CYRIB: variants seen among roughly 807,000 people sequenced by gnomAD.
CYRIB encodes CYFIP-related Rac1 interactor B.
Under a neutral mutation model 44.2 loss-of-function variants are expected in CYRIB, and 8 were observed. The observed-to-expected ratio is 0.18, with a 90% confidence interval of 0.11 to 0.33. CYRIB has a LOEUF of 0.33. CYRIB is among the 10% of genes least tolerant of loss of function. The probability of loss-of-function intolerance (pLI) is 1.00; values close to 1 mark genes in which losing one functional copy is unlikely to be tolerated. For synonymous variants in CYRIB, 131 were observed against 127.2 expected, an observed-to-expected ratio of 1.03 and a Z score of -0.20; for missense variants, 185 against 382.8, an observed-to-expected ratio of 0.48 and a Z score of 4.31.
chr8:129,868,879 A>G (rs2055340972), intron 4 of CYRIB, among the ~76,000 whole-genome samples: 2 of 142,590 alleles, frequency 1.4e-5, no homozygotes, highest in South Asian at 4.5e-4. Context: ...TCCCAATGGG[A>G]AGTACTGCAA....
At chr8:130,005,316 G>A (rs2097027205) in intron 1 of CYRIB, among the ~76,000 whole-genome samples, 1 of 152,170 alleles carries the variant, frequency 6.6e-6, no homozygotes, top group Non-Finnish European at 1.5e-5. Flanking sequence ...GCTGGTGGGT[G>A]CTAGGGCAGG....
intron 2 of CYRIB, among the ~76,000 whole-genome samples, chr8:129,886,946 C>A (rs529238552): frequency 2.0e-5 from 3 of 152,306 alleles, no homozygotes; most frequent in African/African-American, 7.2e-5. Flanking sequence ...TATAAATCAT[C>A]CTTTCTCTGC....
intron 2 of CYRIB, among the ~76,000 whole-genome samples, chr8:129,902,512 G>A (rs778792083): frequency 6.6e-6 from 1 of 152,020 alleles, no homozygotes; most frequent in Non-Finnish European, 1.5e-5. Context: ...GAGCCACTGC[G>A]CCCACCCTTG....
intron 2 of CYRIB, among the ~76,000 whole-genome samples, chr8:129,965,656 C>T (rs1049626171): frequency 4.0e-5 from 6 of 151,580 alleles, no homozygotes; most frequent in South Asian, 4.1e-4. Flanking sequence ...ATTAACCGGG[C>T]GTGGTGGTGG....
chr8:129,983,615 G>A (rs998692594), intron 1 of CYRIB, among the ~76,000 whole-genome samples: 1 of 152,188 alleles, frequency 6.6e-6, no homozygotes, highest in African/African-American at 2.4e-5. Context: ...CAGCCCCACC[G>A]GCAGGAAGGG....
At chr8:129,915,780 T>C (rs967528666) in intron 1 of CYRIB, among the ~76,000 whole-genome samples, 4 of 152,192 alleles carry the variant, frequency 2.6e-5, no homozygotes, top group Admixed American at 2.6e-4. Context: ...GGGTCAAGCC[T>C]GAGAAATTGC....
chr8:129,973,154 G>A (rs980413788), intron 1 of CYRIB, among the ~76,000 whole-genome samples: 5 of 152,168 alleles, frequency 3.3e-5, no homozygotes, highest in Non-Finnish European at 5.9e-5. Context: ...GCAGATGAAC[G>A]CTCTGAAGGA....
rs117364285 is a variant in CYRIB, at chr8:130,010,825, A to G, written c.-296+5545T>C. The stretch of plus-strand genomic sequence containing the variant: ...GAAGGGGAGAGGGTCAGGTTGGATG[A>G]TCTCCTGGCCCACTGCACTCAAAGT... On this transcript the variant is annotated intron_variant, in intron 1 of 14. Transcript: ENST00000401979. Among the ~76,000 whole-genome samples the G allele has an allele frequency of 1.4e-4, 21 of 152,286 alleles. No individual in the cohort carries two copies. The East Asian group carries it at 4.1e-3, about 29-fold the overall frequency.
intron 1 of CYRIB, among the ~76,000 whole-genome samples, chr8:129,994,093 G>T (rs1484823500): frequency 6.6e-6 from 1 of 152,154 alleles, no homozygotes; most frequent in Non-Finnish European, 1.5e-5. Context: ...TTGGATTTAG[G>T]ATCTTTGCAG....
chr8:129,897,309 G>C lies in CYRIB; in HGVS notation c.-11+6003C>G, dbSNP rs563088742. On this transcript the variant is annotated intron_variant, in intron 2 of 11. Transcript: ENST00000519824. ...TTTAGAAAAATTTGTAGAAACTTAAGACAATGACTGAATAAGCACAATTAA... is the reference window on the plus strand; with the variant it reads ...TTTAGAAAAATTTGTAGAAACTTAACACAATGACTGAATAAGCACAATTAA... Among the ~76,000 whole-genome samples, 10 of 152,096 alleles carry C rather than the reference G, an allele frequency of 6.6e-5. No homozygotes were observed. The South Asian group carries it at 1.7e-3, about 25-fold the overall frequency.
chr8:129,999,691 G>T (rs769185558), intron 1 of CYRIB, among the ~76,000 whole-genome samples: 1 of 152,216 alleles, frequency 6.6e-6, no homozygotes, highest in African/African-American at 2.4e-5. Flanking sequence ...GCAGTGGCAC[G>T]ATCACGGCTC....
At position 130,005,152 on chromosome 8, in the gene CYRIB, G is replaced by T. The variant is rs533322645; in HGVS notation, c.-296+11218C>A. On this transcript the variant is annotated intron_variant, in intron 1 of 14. Coordinates refer to the CYRIB transcript ENST00000401979. ...TTTATTTTTTATTTTTTTGCCTATT[G>T]TGCTGACTTCTGAACTTCACCATGA... is the stretch of plus-strand genomic sequence containing the variant. Among the ~76,000 whole-genome samples the T allele has an allele frequency of 1.6e-4, 25 of 151,584 alleles. No homozygotes were observed. The South Asian group carries it at 4.8e-3, about 29-fold the overall frequency.
At chr8:129,921,257 ATTTAC>A (rs1338914056) in intron 1 of CYRIB, among the ~76,000 whole-genome samples, 1 of 152,202 alleles carries the variant, frequency 6.6e-6, no homozygotes, top group African/African-American at 2.4e-5. Flanking sequence ...ATTCATAACA[ATTTAC>A]TTATCTTTCC....
intron 2 of CYRIB, chr8:129,949,437 G>A (rs929056324): frequency 2.6e-5 from 4 of 152,212 alleles, no homozygotes; most frequent in Non-Finnish European, 5.9e-5. Flanking sequence ...ACATACCTAC[G>A]AGGAGGTGAA....
chr8:129,990,495 TGC>T (rs2096603764), intron 1 of CYRIB, among the ~76,000 whole-genome samples: 2 of 119,664 alleles, frequency 1.7e-5, no homozygotes, highest in South Asian at 2.9e-4. Flanking sequence ...TGTGTGTGTA[TGC>T]GTGTGTGTGT....
At chr8:129,925,255 G>A (rs777737839) in intron 1 of CYRIB, among the ~76,000 whole-genome samples, 1 of 152,072 alleles carries the variant, frequency 6.6e-6, no homozygotes, top group Non-Finnish European at 1.5e-5. Flanking sequence ...AAAATTAGCC[G>A]GGCATGGTGG....
chr8:130,009,014 C>T (rs1295227108), intron 1 of CYRIB, among the ~76,000 whole-genome samples: 4 of 152,182 alleles, frequency 2.6e-5, no homozygotes, highest in African/African-American at 7.2e-5. Flanking sequence ...TGATGCTAGA[C>T]CCTATGTCAG....
intron 3 of CYRIB, among the ~76,000 whole-genome samples, chr8:129,873,787 A>C (rs897308913): frequency 2.6e-5 from 4 of 152,094 alleles, no homozygotes; most frequent in African/African-American, 9.6e-5. Flanking sequence ...AGTGGTTAAT[A>C]ACTAGTAAAG....
At chr8:129,912,312 T>C (rs775421802) in intron 1 of CYRIB, 5 of 152,180 alleles carry the variant, frequency 3.3e-5, no homozygotes, top group Non-Finnish European at 7.3e-5. Context: ...TTATCTGAAG[T>C]TGCAAACTGC....
Sources: allele counts gnomAD v4.1 joint callset (sites outside exome capture counted in the v4.1 genomes callset), GRCh38; gene constraint gnomAD v4.1.1; transcripts MANE v1.5; gene names NCBI Gene and HGNC (gene_info 2026-07-23, HGNC 2026-07-21).